Variants in ZZEF1 observed in about 807,000 individuals in gnomAD.
ZZEF1 encodes the protein zinc finger ZZ-type and EF-hand domain containing 1.
Under a neutral mutation model 342.8 loss-of-function variants are expected in ZZEF1, and 157 were observed. That is an observed-to-expected ratio of 0.46 (90% CI 0.40 to 0.52). The LOEUF (loss-of-function observed/expected upper bound fraction) is 0.52, where lower values mean the gene tolerates loss of function less well. Ranked by LOEUF, ZZEF1 falls within the 20% of genes least tolerant of loss-of-function variation. The probability of loss-of-function intolerance (pLI) is 0.00; values close to 1 mark genes in which losing one functional copy is unlikely to be tolerated. For synonymous variants in ZZEF1, 1,505 were observed against 1,429.1 expected, an observed-to-expected ratio of 1.05 and a Z score of -1.20; for missense variants, 3,480 against 3,725.6, an observed-to-expected ratio of 0.93 and a Z score of 1.72.
At position 4,042,541 on chromosome 17, in the gene ZZEF1, T is replaced by A; in HGVS notation, c.6194A>T (p.Gln2065Leu). ...AACTGCTTTTTCCTCTATGGGCTTC[T>A]GAGATGACACTTCTGAATCTTCAGC... Reference protein sequence around the residue: ...PDAEDSEVSSQKPIEEKAVTP... With the variant: ...PDAEDSEVSSLKPIEEKAVTP... Residue 2065 changes from glutamine to leucine, a missense_variant, in exon 39 of 55, where the codon CAG becomes CTG. Physicochemically the swap from Gln to Leu is moderately radical, Grantham distance 113. Transcript: ENST00000381638. The A allele has an allele frequency of 6.2e-7, 1 of 1,613,268 alleles. No homozygotes were observed. The highest frequency in any genetic ancestry group is 1.1e-5 in the South Asian group (1 of 90,806).
Position 4,049,840 on chromosome 17 carries a change from C to A in ZZEF1, c.5883G>T (p.Leu1961Phe). 6.2e-7 allele frequency: 1 copy of A among 1,614,122 alleles called. No homozygotes were observed. The highest frequency in any genetic ancestry group is 8.5e-7 in the Non-Finnish European group (1 of 1,180,002). Residue 1961 changes from leucine (L) to phenylalanine (F), a missense_variant, in exon 37 of 55, where the codon TTG becomes TTT. Leu to Phe is a conservative substitution (Grantham distance 22). Around this residue, in one of 5 missense-constraint regions of ZZEF1, gnomAD observed 1,269 missense variants for 1,342.4 expected, o/e 0.95. Transcript: ENST00000381638. ...HQGKGLKALA[L>F]LGVLPDGDSS... The stretch of plus-strand genomic sequence containing the variant: ...AGTCCCCATCTGGCAATACACCCAG[C>A]AAAGCTAGAGCTTTAAGGCCTATGT...
rs999467343 is a variant in ZZEF1, at chr17:4,117,120, G to A, written c.546C>T (p.His182=). The A allele has an allele frequency of 2.2e-5, 35 of 1,614,068 alleles. No individual in the cohort carries two copies. Among genetic ancestry groups the A allele is most frequent in the Non-Finnish European group, 3.0e-5 (35 of 1,179,972 alleles). The change falls in exon 3 of 55, where the codon CAC becomes CAT. Residue 182 remains histidine (H), a synonymous_variant. Transcript: ENST00000381638. ...GCAGGAAGCGCAGTATCATTGACGA[G>A]TGAATATCAAGGCCCTCCTTCGACT... is the stretch of plus-strand genomic sequence containing the variant. ...FSESKEGLDI[H]SSMILRFLHR...
At chr17:4,101,623 CTTTGT>C (rs200484398) in intron 9 of ZZEF1, among the ~76,000 whole-genome samples, 2,348 of 152,158 alleles carry the variant, frequency 0.015, 40 homozygotes, top group African/African-American at 0.051. Context: ...AAATACCCTT[CTTTGT>C]TTTGTTTTGT....
Position 4,054,040 on chromosome 17 carries a change from C to T in ZZEF1, c.5434+17G>A, listed in dbSNP as rs765177626. ...ATATTGCCTTTGGATACGGCGTACC[C>T]AGTTCATGAAATTTACCTAGGAAGC... On this transcript the variant is annotated intron_variant, in intron 34 of 54. Coordinates refer to ENST00000381638, the MANE Select transcript of ZZEF1 (RefSeq NM_015113.4). 6.2e-7 allele frequency: 1 copy of T among 1,606,636 alleles called. No individual in the cohort carries two copies. The highest frequency in any genetic ancestry group is 1.7e-5 in the Admixed American group (1 of 59,222).
rs777122084 is a variant in ZZEF1 at position 4,006,876 on chromosome 17, C to T, written c.*14G>A. 59 of 1,572,974 alleles carry T rather than the reference C, an allele frequency of 3.8e-5. No homozygotes were observed. Among genetic ancestry groups the T allele is most frequent in the South Asian group, 1.9e-4 (16 of 85,826 alleles). ...GTGGCAGATGAACTAGTCCCATGCACGCCCCACCAAGGGCTAACACTCCAC... is the reference window on the plus strand; with the variant it reads ...GTGGCAGATGAACTAGTCCCATGCATGCCCCACCAAGGGCTAACACTCCAC... On this transcript the variant is annotated 3_prime_UTR_variant, in exon 55 of 55. Coordinates refer to ENST00000381638, the MANE Select transcript of ZZEF1 (RefSeq NM_015113.4).
Position 4,087,483 on chromosome 17 carries a change from C to A in ZZEF1, c.2293G>T (p.Gly765Cys). 1 of 1,611,452 alleles carries A rather than the reference C, an allele frequency of 6.2e-7. No individual in the cohort carries two copies. The highest frequency in any genetic ancestry group is 1.1e-5 in the South Asian group (1 of 89,814). Residue 765 changes from glycine to cysteine, a missense_variant, in exon 14 of 55, where the codon GGT (glycine) becomes TGT (cysteine). Transcript: ENST00000381638. Reference protein sequence around the residue: ...LKYKSFLDFAGLDLQIFWNFY... With the variant: ...LKYKSFLDFACLDLQIFWNFY... ...TTCCAGAAGATCTGCAAATCAAGAC[C>A]CGCGAAGTCCAGAAAAGATTTATAT...
chr17:4,050,079 T>C (rs2057013108), intron 36 of ZZEF1, among the ~76,000 whole-genome samples: 1 of 152,206 alleles, frequency 6.6e-6, no homozygotes, highest in Non-Finnish European at 1.5e-5. Flanking sequence ...ACCTGCACTT[T>C]ATACTTTATT....
chr17:4,072,417 A>G (rs541455032), intron 25 of ZZEF1, among the ~76,000 whole-genome samples, 191 bp downstream of exon 25: 33 of 152,338 alleles, frequency 2.2e-4, no homozygotes, highest in Non-Finnish European at 3.5e-4. Context: ...GTATTTCTGA[A>G]CACCTATTGC....
At chr17:4,039,736 C>G (rs1336286358) in intron 39 of ZZEF1, among the ~76,000 whole-genome samples, 2 of 150,770 alleles carry the variant, frequency 1.3e-5, no homozygotes, top group South Asian at 2.1e-4. Context: ...CTCCGCCTCC[C>G]GGGTTCACGC....
Position 4,087,506 on chromosome 17 carries a change from T to C in ZZEF1, c.2270A>G (p.Tyr757Cys), listed in dbSNP as rs1393714491. 3 of 1,610,404 alleles carry C rather than the reference T, an allele frequency of 1.9e-6. No individual in the cohort carries two copies. The highest frequency in any genetic ancestry group is 2.2e-5 in the East Asian group (1 of 44,808). ...ACCCGCGAAGTCCAGAAAAGATTTA[T>C]ATTTTAAGCCACTTTCCTTCTGCTG... Reference protein sequence around the residue: ...LVQQKESGLKYKSFLDFAGLD... With the variant: ...LVQQKESGLKCKSFLDFAGLD... Residue 757 changes from tyrosine (Y) to cysteine (C), a missense_variant, in exon 14 of 55, where the codon TAT (tyrosine) becomes TGT (cysteine). Tyr to Cys is a radical substitution (Grantham distance 194). Transcript: ENST00000381638.
chr17:4,138,706 G>A (rs2058793622), intron 1 of ZZEF1, among the ~76,000 whole-genome samples: 1 of 151,908 alleles, frequency 6.6e-6, no homozygotes, highest in Non-Finnish European at 1.5e-5. Context: ...TTCACTTTAG[G>A]GCCATCTGTT....
At chr17:4,113,528 G>A (rs2058347394) in intron 4 of ZZEF1, among the ~76,000 whole-genome samples, 1 of 152,168 alleles carries the variant, frequency 6.6e-6, no homozygotes, top group Non-Finnish European at 1.5e-5. Context: ...AGCTGAGTGT[G>A]GTGGTGGGCA....
Position 4,054,039 on chromosome 17 carries a change from C to A in ZZEF1, c.5434+18G>T. 6.2e-7 allele frequency: 1 copy of A among 1,605,868 alleles called. No individual in the cohort carries two copies. Among genetic ancestry groups the A allele is most frequent in the East Asian group, 2.2e-5 (1 of 44,622 alleles). On this transcript the variant is annotated intron_variant, in intron 34 of 54. Coordinates refer to ENST00000381638, the MANE Select transcript of ZZEF1 (RefSeq NM_015113.4). ...GATATTGCCTTTGGATACGGCGTAC[C>A]CAGTTCATGAAATTTACCTAGGAAG...
At chr17:4,036,814 C>CA (rs2145082349) in intron 39 of ZZEF1, among the ~76,000 whole-genome samples, 1 of 71,880 alleles carries the variant, frequency 1.4e-5, no homozygotes, top group East Asian at 3.5e-4. Flanking sequence ...CACACACACA[C>CA]ACACTCTCTC....
chr17:4,017,524 G>C lies in ZZEF1; in HGVS notation c.7848C>G (p.Val2616=). 6.2e-7 allele frequency: 1 copy of C among 1,614,254 alleles called. No individual in the cohort carries two copies. Among genetic ancestry groups the C allele is most frequent in the Non-Finnish European group, 8.5e-7 (1 of 1,180,042 alleles). ...ATGCAAGCACGTGGCGGGCGTACAG[G>C]ACAGCTGTGGCCTCGTTCACTCGGA... ...YLFRVNEATA[V]LYARHVLASL... Residue 2616 remains valine, a synonymous_variant, in exon 48 of 55, where the codon GTC becomes GTG. Coordinates refer to ENST00000381638, the MANE Select transcript of ZZEF1 (RefSeq NM_015113.4). This position sits in a 1 kb window ranked among gnomAD's most constrained non-coding sequence, Gnocchi z 5.1.
intron 11 of ZZEF1, among the ~76,000 whole-genome samples, chr17:4,095,340 T>C (rs1170894247): frequency 1.3e-5 from 2 of 152,234 alleles, no homozygotes; most frequent in East Asian, 3.8e-4. Flanking sequence ...AGCACATTCA[T>C]AACACTGTTG....
Position 4,044,472 on chromosome 17 carries a change from T to G in ZZEF1, c.6016-98A>C, listed in dbSNP as rs112040514. The G allele has an allele frequency of 1.0e-3, 1,211 of 1,169,338 alleles. 12 individuals are homozygous for G. In the African/African-American group the frequency reaches 0.017, roughly 17 times the overall value. 72.4% of individuals were successfully genotyped at this position (1,169,338 alleles called of 1,614,324 possible). The stretch of plus-strand genomic sequence containing the variant: ...TAATGATTAGCCAGTCTTCATAGAC[T>G]AAAAAACTTTTGAATGCCATTAGAA... On this transcript the variant is annotated intron_variant, in intron 37 of 54. Coordinates refer to ENST00000381638, the MANE Select transcript of ZZEF1 (RefSeq NM_015113.4).
chr17:4,127,196 C>T (rs1326249218), intron 1 of ZZEF1, among the ~76,000 whole-genome samples: 1 of 151,896 alleles, frequency 6.6e-6, no homozygotes, highest in Non-Finnish European at 1.5e-5. Flanking sequence ...GAGAGGGGGT[C>T]TCACACTTTG....
chr17:4,140,282 GA>G (rs1248947077), intron 1 of ZZEF1, among the ~76,000 whole-genome samples: 1 of 152,088 alleles, frequency 6.6e-6, no homozygotes, highest in Non-Finnish European at 1.5e-5. Context: ...TCTGGACTTT[GA>G]ACTTTTGTGG....
Sources: allele counts gnomAD v4.1 joint callset (sites outside exome capture counted in the v4.1 genomes callset), GRCh38; gene constraint gnomAD v4.1.1; regional missense constraint gnomAD v4.1.1; non-coding constraint Gnocchi (gnomAD v3.1); transcripts MANE v1.5; gene names NCBI Gene and HGNC (gene_info 2026-07-23, HGNC 2026-07-21).